The following MYO3B variants were observed in gnomAD, a reference collection of about 807,000 sequenced individuals.
MYO3B encodes the protein myosin-IIIb.
A neutral mutation model predicts 174.6 loss-of-function variants in MYO3B; 156 were observed. The observed-to-expected ratio is 0.89, with a 90% confidence interval of 0.78 to 1.02. The LOEUF is 1.02. MYO3B is among the 50% of genes least tolerant of loss of function. MYO3B has a pLI of 0.00. For missense variants in MYO3B, 1,632 were observed against 1,639.4 expected (o/e 1.00, Z 0.08); for synonymous variants, 563 against 569.1 (o/e 0.99, Z 0.15).
intron 7 of MYO3B, among the ~76,000 whole-genome samples, chr2:170,286,310 C>G (rs6707499): frequency 6.6e-6 from 1 of 151,818 alleles, no homozygotes; most frequent in Non-Finnish European, 1.5e-5. Flanking sequence ...GAGTAAGATG[C>G]CTTCTACATC....
chr2:170,609,550 A>T (rs754173075), intron 32 of MYO3B, among the ~76,000 whole-genome samples: 22 of 152,174 alleles, frequency 1.4e-4, no homozygotes, highest in Non-Finnish European at 2.4e-4. Context: ...ATGTGTAAGG[A>T]CTCATTTAAA....
chr2:170,549,033 G>A (rs1690715030), intron 32 of MYO3B, among the ~76,000 whole-genome samples: 2 of 152,052 alleles, frequency 1.3e-5, no homozygotes, highest in African/African-American at 2.4e-5. Context: ...GGTTTGAGAG[G>A]GAGATCTGAG....
chr2:170,246,483 C>G (rs559570670), intron 7 of MYO3B, among the ~76,000 whole-genome samples: 33 of 151,528 alleles, frequency 2.2e-4, no homozygotes, highest in African/African-American at 8.0e-4. Flanking sequence ...TGATCCTTAA[C>G]CCAATGTGAC....
intron 32 of MYO3B, among the ~76,000 whole-genome samples, chr2:170,649,370 A>G (rs1438643839): frequency 2.8e-5 from 3 of 108,296 alleles, no homozygotes; most frequent in African/African-American, 1.1e-4. Context: ...TATTATATAA[A>G]AATATAAATA....
In MYO3B at chr2:170,419,085, A is replaced by G. The variant is rs892365847; in HGVS notation, c.2650+11241A>G. Among the ~76,000 whole-genome samples the G allele has an allele frequency of 3.9e-5, 6 of 152,322 alleles. No homozygotes were observed. In the East Asian group the frequency reaches 1.2e-3, roughly 29 times the overall value. Reference sequence around the variant, plus strand: ...CAAGGCAAAAAGATGCACACATTAGATGAATGTACTGTGAGAGTTGAGCTC... The same window carrying G: ...CAAGGCAAAAAGATGCACACATTAGGTGAATGTACTGTGAGAGTTGAGCTC... On this transcript the variant is annotated intron_variant, in intron 22 of 34. Transcript: ENST00000408978.
chr2:170,368,073 C>G (rs1017530600), intron 8 of MYO3B, among the ~76,000 whole-genome samples: 1 of 152,128 alleles, frequency 6.6e-6, no homozygotes, highest in Non-Finnish European at 1.5e-5. Context: ...ACTGCAGAAA[C>G]CAAAGCTTTT....
At chr2:170,643,170 T>C (rs1212058822) in intron 32 of MYO3B, among the ~76,000 whole-genome samples, 1 of 152,220 alleles carries the variant, frequency 6.6e-6, no homozygotes, top group Non-Finnish European at 1.5e-5. Flanking sequence ...TGCCTCTAAC[T>C]GTATAATCTC....
chr2:170,203,614 C>CTGAA (rs1019375534), intron 3 of MYO3B, among the ~76,000 whole-genome samples: 1 of 151,994 alleles, frequency 6.6e-6, no homozygotes, highest in African/African-American at 2.4e-5. Context: ...TAATCTAGAC[C>CTGAA]TGAATATCAC....
intron 28 of MYO3B, among the ~76,000 whole-genome samples, chr2:170,511,061 G>GTTT (rs1352683626): frequency 3.8e-5 from 5 of 132,024 alleles, no homozygotes; most frequent in Admixed American, 7.6e-5. Flanking sequence ...TTTTCCTTTT[G>GTTT]TTTTTTTTTT....
chr2:170,266,419 G>A (rs2093383807), intron 7 of MYO3B, among the ~76,000 whole-genome samples: 1 of 152,078 alleles, frequency 6.6e-6, no homozygotes, highest in Admixed American at 6.6e-5. Context: ...TGCTGGTTAT[G>A]GGCTAATTAC....
intron 32 of MYO3B, among the ~76,000 whole-genome samples, chr2:170,632,548 C>A (rs950267146): frequency 6.6e-6 from 1 of 152,098 alleles, no homozygotes; most frequent in African/African-American, 2.4e-5. Context: ...CTAAAATTGA[C>A]ACCCTAACAT....
At chr2:170,381,249 T>C (rs2094333278) in intron 9 of MYO3B, among the ~76,000 whole-genome samples, 1 of 152,092 alleles carries the variant, frequency 6.6e-6, no homozygotes, top group Non-Finnish European at 1.5e-5. Context: ...ACTAGGTAGG[T>C]AGGTAAGTGG....
At chr2:170,218,808 A>G (rs183069161) in intron 6 of MYO3B, among the ~76,000 whole-genome samples, 1 of 152,344 alleles carries the variant, frequency 6.6e-6, no homozygotes, top group Admixed American at 6.5e-5. Flanking sequence ...TATTATTAAT[A>G]CAATTATCAC....
chr2:170,430,158 G>T (rs1288949529), intron 22 of MYO3B, among the ~76,000 whole-genome samples: 1 of 151,906 alleles, frequency 6.6e-6, no homozygotes, highest in Non-Finnish European at 1.5e-5. Context: ...GTACTAGAAT[G>T]AATCCCTCAT....
chr2:170,297,135 G>A (rs189536640), intron 7 of MYO3B, among the ~76,000 whole-genome samples: 8 of 152,274 alleles, frequency 5.3e-5, no homozygotes, highest in African/African-American at 4.8e-5. Flanking sequence ...ACAAGAAGAT[G>A]TACAATTTTT....
intron 25 of MYO3B, among the ~76,000 whole-genome samples, chr2:170,479,493 T>A (rs1174711144): frequency 6.9e-6 from 1 of 145,822 alleles, no homozygotes; most frequent in East Asian, 2.0e-4. Flanking sequence ...AACCTATATA[T>A]AAATATATGT....
At position 170,399,268 on chromosome 2, in the gene MYO3B, AG is replaced by A. The variant is rs1558961268; in HGVS notation, c.1792-919del. Among the ~76,000 whole-genome samples, 27 of 48,988 alleles carry A rather than the reference AG, an allele frequency of 5.5e-4. 5 individuals carry two copies. Among genetic ancestry groups the A allele is most frequent in the African/African-American group, 1.2e-3 (20 of 16,218 alleles). The allele number at this position is 48,988 out of a possible 152,430, so 32.1% of individuals were successfully genotyped here. A position where few individuals can be genotyped will look rare whatever the true frequency, so the allele number is the denominator to read the frequency against. On this transcript the variant is annotated intron_variant, in intron 16 of 34. Coordinates refer to ENST00000408978, the MANE Select transcript of MYO3B (RefSeq NM_138995.5). ...AAAAAAAAAAAAAAAAAAAAAAAAG[AG>A]AGAGACCAGTCTGGCCAACAGGGCA...
intron 30 of MYO3B, among the ~76,000 whole-genome samples, chr2:170,532,586 G>A (rs930153888): frequency 2.0e-5 from 3 of 152,108 alleles, no homozygotes; most frequent in African/African-American, 7.2e-5. Context: ...GCCAAGGTGG[G>A]CGGATCACCT....
intron 7 of MYO3B, among the ~76,000 whole-genome samples, chr2:170,326,082 C>T (rs915109077): frequency 1.3e-5 from 2 of 151,696 alleles, no homozygotes; most frequent in African/African-American, 4.8e-5. Context: ...TAACTATACC[C>T]CGGCCCTCCC....
Sources: gnomAD v4.1 joint callset for allele counts (sites outside exome capture counted in the v4.1 genomes callset) on GRCh38, gnomAD v4.1.1 for gene constraint, MANE v1.5 for transcripts, NCBI Gene and HGNC (gene_info 2026-07-23, HGNC 2026-07-21) for gene names.